CNTNAP2: variants seen among roughly 807,000 people sequenced by gnomAD.
CNTNAP2 encodes contactin associated protein 2.
Under a neutral mutation model 155.2 loss-of-function variants are expected in CNTNAP2, and 98 were observed. That is an observed-to-expected ratio of 0.63 (90% CI 0.54 to 0.75). CNTNAP2 has a LOEUF of 0.75. CNTNAP2 is among the 30% of genes least tolerant of loss of function. The pLI is 0.00. For missense variants in CNTNAP2, 1,727 were observed against 1,688.1 expected (o/e 1.02, Z -0.40); for synonymous variants, 651 against 631.2 (o/e 1.03, Z -0.47).
At chr7:146,532,109 A>T (rs1003267197) in intron 1 of CNTNAP2, among the ~76,000 whole-genome samples, 1 of 152,164 alleles carries the variant, frequency 6.6e-6, no homozygotes, top group Non-Finnish European at 1.5e-5. Context: ...AATATTTACA[A>T]TTCAAAAAAG....
intron 9 of CNTNAP2, among the ~76,000 whole-genome samples, chr7:147,336,599 T>C (rs1368917832): frequency 9.2e-5 from 14 of 152,102 alleles, no homozygotes; most frequent in Admixed American, 9.2e-4. Flanking sequence ...TTGGAATCCT[T>C]CTAGGATTGG....
chr7:147,325,152 T>G (rs1049734046), intron 9 of CNTNAP2, among the ~76,000 whole-genome samples: 5 of 151,948 alleles, frequency 3.3e-5, no homozygotes, highest in African/African-American at 1.2e-4. Flanking sequence ...TACAAAAAAT[T>G]AGCTGGGCAT....
At chr7:147,859,920 T>C (rs1225305899) in intron 13 of CNTNAP2, among the ~76,000 whole-genome samples, 1 of 152,172 alleles carries the variant, frequency 6.6e-6, no homozygotes, top group Non-Finnish European at 1.5e-5. Flanking sequence ...AATATTAAGA[T>C]AGATATACTG....
At chr7:147,615,887 G>A (rs1467524960) in intron 12 of CNTNAP2, among the ~76,000 whole-genome samples, 1 of 152,006 alleles carries the variant, frequency 6.6e-6, no homozygotes, top group Non-Finnish European at 1.5e-5. Flanking sequence ...CTCTCTTTCT[G>A]TTGAAACTGA....
chr7:147,637,730 A>T (rs538756555), intron 12 of CNTNAP2, among the ~76,000 whole-genome samples: 1 of 152,246 alleles, frequency 6.6e-6, no homozygotes, highest in African/African-American at 2.4e-5. Context: ...GGTCAAATTC[A>T]TGCTTGATTT....
At chr7:148,384,971 T>A (rs1409868243) in intron 22 of CNTNAP2, among the ~76,000 whole-genome samples, 1 of 152,246 alleles carries the variant, frequency 6.6e-6, no homozygotes, top group Non-Finnish European at 1.5e-5. Context: ...CAATTTGCTA[T>A]AATGCTTGAA....
chr7:146,537,467 A>G (rs1226730050), intron 1 of CNTNAP2, among the ~76,000 whole-genome samples: 7 of 152,186 alleles, frequency 4.6e-5, no homozygotes, highest in Middle Eastern at 3.4e-3. Flanking sequence ...GTAAAATTGT[A>G]AAAAGAGCCT....
intron 11 of CNTNAP2, among the ~76,000 whole-genome samples, chr7:147,555,005 C>A (rs919076140): frequency 6.6e-6 from 1 of 152,094 alleles, no homozygotes. Flanking sequence ...AGGTCATTGC[C>A]GCCTCTCTGG....
chr7:147,136,076 C>T (rs1801471920), intron 8 of CNTNAP2, among the ~76,000 whole-genome samples: 2 of 150,904 alleles, frequency 1.3e-5, no homozygotes, highest in Admixed American at 6.6e-5. Context: ...CAAAATGCCT[C>T]AATTTTATGC....
At chr7:147,325,800 T>A (rs771449751) in intron 9 of CNTNAP2, among the ~76,000 whole-genome samples, 2 of 152,232 alleles carry the variant, frequency 1.3e-5, no homozygotes, top group Non-Finnish European at 2.9e-5. Flanking sequence ...TTTACCTTGT[T>A]ATATGACCAT....
chr7:147,187,338 T>G (rs183156601), intron 8 of CNTNAP2, among the ~76,000 whole-genome samples: 1 of 152,188 alleles, frequency 6.6e-6, no homozygotes, highest in South Asian at 2.1e-4. Flanking sequence ...CATTAATCAA[T>G]GCAGGGACAA....
At chr7:147,529,299 T>C (rs377638125) in intron 11 of CNTNAP2, among the ~76,000 whole-genome samples, 5 of 152,226 alleles carry the variant, frequency 3.3e-5, no homozygotes, top group African/African-American at 7.2e-5. Flanking sequence ...CATTTTGGCT[T>C]TTGAAAGTGA....
At chr7:146,617,013 G>T (rs372767100) in intron 1 of CNTNAP2, among the ~76,000 whole-genome samples, 1,326 of 113,138 alleles carry the variant, frequency 0.012, 13 homozygotes, top group African/African-American at 0.054. Context: ...AGGAAACCTG[G>T]TTTTTTTGTT....
intron 1 of CNTNAP2, among the ~76,000 whole-genome samples, chr7:146,677,643 C>A (rs1259059214): frequency 6.6e-6 from 1 of 151,938 alleles, no homozygotes; most frequent in Non-Finnish European, 1.5e-5. Context: ...CGAGGAGTGC[C>A]CAATGTTTAG....
chr7:148,034,246 T>C (rs1371918914), intron 15 of CNTNAP2, among the ~76,000 whole-genome samples: 1 of 152,172 alleles, frequency 6.6e-6, no homozygotes, highest in African/African-American at 2.4e-5. Context: ...GAGGATAAAA[T>C]TTAAAGTAAA....
At chr7:148,230,802 G>A (rs1795948699) in intron 20 of CNTNAP2, among the ~76,000 whole-genome samples, 1 of 152,136 alleles carries the variant, frequency 6.6e-6, no homozygotes, top group African/African-American at 2.4e-5. Context: ...AATCAAAGGT[G>A]GCATAATAAG....
rs1250434348 is a variant in CNTNAP2 at position 147,289,461 on chromosome 7, TAAAGG to T, written c.1349-10673_1349-10669del. On this transcript the variant is annotated intron_variant, in intron 8 of 23. Coordinates refer to ENST00000361727, the MANE Select transcript of CNTNAP2 (RefSeq NM_014141.6). ...GTGAGAAATAAAGAGGAAAGAAAGA[TAAAGG>T]AAAGGAGGGAAGGAAGGAAGAAAGA... 2.1e-5 allele frequency among the ~76,000 whole-genome samples: 3 copies of T among 141,044 alleles called. 1 individual carries two copies. Among genetic ancestry groups the T allele is most frequent in the African/African-American group, 7.9e-5 (3 of 38,040 alleles). The allele number at this position is 141,044 out of a possible 152,430, so 92.5% of individuals were successfully genotyped here.
At chr7:147,000,860 G>C (rs1020151836) in intron 3 of CNTNAP2, among the ~76,000 whole-genome samples, 9 of 152,100 alleles carry the variant, frequency 5.9e-5, no homozygotes, top group Non-Finnish European at 1.3e-4. Flanking sequence ...TGCTATAGTT[G>C]GCCAGTAGTT....
chr7:146,693,824 C>A (rs75702500), intron 1 of CNTNAP2, among the ~76,000 whole-genome samples: 2,265 of 151,998 alleles, frequency 0.015, 56 homozygotes, highest in African/African-American at 0.048. Context: ...ACCTATCAAC[C>A]CAACACCTAG....
Sources: gnomAD v4.1 joint callset for allele counts (sites outside exome capture counted in the v4.1 genomes callset) on GRCh38, gnomAD v4.1.1 for gene constraint, MANE v1.5 for transcripts, NCBI Gene and HGNC (gene_info 2026-07-23, HGNC 2026-07-21) for gene names.